CX3CL1: variants seen among roughly 807,000 people sequenced by gnomAD.
The protein encoded by CX3CL1 is C-X3-C motif chemokine ligand 1.
Under a neutral mutation model 14.1 loss-of-function variants are expected in CX3CL1, and 1 was observed. That is an observed-to-expected ratio of 0.07 (90% CI 0.03 to 0.34). CX3CL1 has a LOEUF of 0.34. Among genes scored for constraint, CX3CL1 ranks in the 10% least tolerant of loss-of-function variants. The probability of loss-of-function intolerance (pLI) is 0.99; values close to 1 mark genes in which losing one functional copy is unlikely to be tolerated. For missense variants in CX3CL1, 505 were observed against 536.4 expected (o/e 0.94, Z 0.58); for synonymous variants, 255 against 229.6 (o/e 1.11, Z -1.00).
Position 57,382,265 on chromosome 16 carries a change from T to C in CX3CL1, c.427T>C (p.Ser143Pro), listed in dbSNP as rs1425092996. 5 of 1,608,852 alleles carry C rather than the reference T, an allele frequency of 3.1e-6. No homozygotes were observed. The highest frequency in any genetic ancestry group is 3.3e-4 in the Middle Eastern group (2 of 6,068). ...AAGCAGTAGCCTGGAGCCGACTCCT[T>C]CTTCCCAGGAAGCACAGAGGGCCCT... Reference protein sequence around the residue: ...GESSSLEPTPSSQEAQRALGT... With the variant: ...GESSSLEPTPPSQEAQRALGT... The change falls in exon 3 of 3, where the codon TCT becomes CCT. Residue 143 changes from serine (S) to proline (P), a missense_variant. By Grantham distance (74) the Ser-to-Pro change is moderately conservative. Transcript: ENST00000006053. The surrounding 1 kb of genome is among the most constrained non-coding windows in gnomAD (Gnocchi z 6.9).
At position 57,383,114 on chromosome 16, in the gene CX3CL1, C is replaced by T. The variant is rs531787344; in HGVS notation, c.*82C>T. On this transcript the variant is annotated 3_prime_UTR_variant, in exon 3 of 3. Transcript: ENST00000006053. ...CCTCATACCCACCCCCACCCAAGGG[C>T]CTGGCCTGAGCTGGGATGATTGGAG... 1.6e-6 allele frequency: 2 copies of T among 1,271,510 alleles called. No individual in the cohort carries two copies. Among genetic ancestry groups the T allele is most frequent in the Admixed American group, 2.9e-5 (1 of 34,446 alleles). 78.8% of individuals were successfully genotyped at this position (1,271,510 alleles called of 1,614,324 possible). A position where few individuals can be genotyped will look rare whatever the true frequency, so the allele number is the denominator to read the frequency against.
rs760908389 is a variant in CX3CL1 at position 57,372,644 on chromosome 16, T to C, written c.70+6T>C. The C allele has an allele frequency of 1.2e-6, 2 of 1,613,234 alleles. No individual in the cohort carries two copies. Among genetic ancestry groups the C allele is most frequent in the Non-Finnish European group, 8.5e-7 (1 of 1,179,860 alleles). On this transcript the variant is annotated splice_donor_region_variant and intron_variant, in intron 1 of 2. Coordinates refer to ENST00000006053, the MANE Select transcript of CX3CL1 (RefSeq NM_002996.6). ...TCTGACTGTCCTGCTGGCTGGTAAG[T>C]GGGGCTTGACTTGGGCACAAACAGG... is the stretch of plus-strand genomic sequence containing the variant.
chr16:57,372,659 G>C lies in CX3CL1; in HGVS notation c.70+21G>C, dbSNP rs76505297. 4,061 of 1,612,438 alleles carry C rather than the reference G, an allele frequency of 2.5e-3. 60 individuals are homozygous for C. The Admixed American group carries it at 0.027, about 11-fold the overall frequency. Reference sequence around the variant, plus strand: ...GGCTGGTAAGTGGGGCTTGACTTGGGCACAAACAGGGTAGGGAGCCCCCAG... The same window carrying C: ...GGCTGGTAAGTGGGGCTTGACTTGGCCACAAACAGGGTAGGGAGCCCCCAG... On this transcript the variant is annotated intron_variant, in intron 1 of 2. Transcript: ENST00000006053.
intron 1 of CX3CL1, 42 bp from the exon 2 acceptor site, chr16:57,379,592 C>T: frequency 1.2e-6 from 2 of 1,613,262 alleles, no homozygotes; most frequent in Non-Finnish European, 1.7e-6. Flanking sequence ...AAGCCAGATG[C>T]CCACAGACAT....
intron 1 of CX3CL1, among the ~76,000 whole-genome samples, chr16:57,373,759 C>G (rs1247200889): frequency 6.6e-6 from 1 of 152,148 alleles, no homozygotes; most frequent in Non-Finnish European, 1.5e-5. Context: ...AGCAGGGAGT[C>G]AGATGGCGGC....
At chr16:57,372,793 C>T (rs1327080904) in intron 1 of CX3CL1, among the ~76,000 whole-genome samples, 155 bp downstream of exon 1, 1 of 152,162 alleles carries the variant, frequency 6.6e-6, no homozygotes, top group Non-Finnish European at 1.5e-5. Flanking sequence ...GGGGGCTGGG[C>T]ACCTCGCTTC....
In CX3CL1 at chr16:57,381,916, G is replaced by T. The variant is rs547951469; in HGVS notation, c.192-114G>T. 2,477 of 1,192,166 alleles carry T rather than the reference G, an allele frequency of 2.1e-3. 6 individuals carry two copies. Among genetic ancestry groups the T allele is most frequent in the Non-Finnish European group, 2.3e-3 (1,973 of 871,696 alleles). The allele number at this position is 1,192,166 out of a possible 1,614,324, so 73.8% of individuals were successfully genotyped here. A position where few individuals can be genotyped will look rare whatever the true frequency, so the allele number is the denominator to read the frequency against. ...TCACAGACGCTAAGTGGGAGGACAGGGTTTCCAGCCGGGTGTGTTCACCTG... is the reference window on the plus strand; with the variant it reads ...TCACAGACGCTAAGTGGGAGGACAGTGTTTCCAGCCGGGTGTGTTCACCTG... On this transcript the variant is annotated intron_variant, in intron 2 of 2. Coordinates refer to ENST00000006053, the MANE Select transcript of CX3CL1 (RefSeq NM_002996.6).
chr16:57,384,205 G>A lies in CX3CL1; in HGVS notation c.*1173G>A, dbSNP rs1467135719. 4 of 152,462 alleles carry A rather than the reference G, an allele frequency of 2.6e-5. No individual in the cohort carries two copies. The highest frequency in any genetic ancestry group is 5.9e-5 in the Non-Finnish European group (4 of 68,252). The allele number at this position is 152,462 out of a possible 1,614,324, so 9.4% of individuals were successfully genotyped here. On this transcript the variant is annotated 3_prime_UTR_variant, in exon 3 of 3. Transcript: ENST00000006053. ...CACACACGCCAGATTCTTTCCTGAG[G>A]CTGGGCTCCCTTCCCACCTCTCTCA... is the stretch of plus-strand genomic sequence containing the variant.
chr16:57,379,587 A>G, intron 1 of CX3CL1, 47 bp from the exon 2 acceptor site: 1 of 1,613,068 alleles, frequency 6.2e-7, no homozygotes, highest in Non-Finnish European at 8.5e-7. Context: ...TTGGGAAGCC[A>G]GATGCCCACA....
At position 57,382,648 on chromosome 16, in the gene CX3CL1, G is replaced by T; in HGVS notation, c.810G>T (p.Ala270=). 6.2e-7 allele frequency: 1 copy of T among 1,613,298 alleles called. No homozygotes were observed. Among genetic ancestry groups the T allele is most frequent in the Non-Finnish European group, 8.5e-7 (1 of 1,179,602 alleles). Residue 270 remains alanine, a synonymous_variant, in exon 3 of 3, where the codon GCG becomes GCT. Transcript: ENST00000006053. The surrounding 1 kb of genome is among the most constrained non-coding windows in gnomAD (Gnocchi z 6.9). ...GGGAGGAGATGGGTCCCGTGCCAGCGCACACGGATGCCTTCCAGGACTGGG... is the reference window on the plus strand; with the variant it reads ...GGGAGGAGATGGGTCCCGTGCCAGCTCACACGGATGCCTTCCAGGACTGGG... ...LEREEMGPVP[A]HTDAFQDWGP... is the part of the protein sequence containing the mutation.
intron 1 of CX3CL1, among the ~76,000 whole-genome samples, chr16:57,376,503 GATGA>G (rs1161401713): frequency 6.6e-6 from 1 of 151,826 alleles, no homozygotes; most frequent in South Asian, 2.1e-4. Flanking sequence ...TGGATAGATG[GATGA>G]ATGGATGGAT....
At chr16:57,374,998 G>T (rs1160793316) in intron 1 of CX3CL1, among the ~76,000 whole-genome samples, 1 of 152,014 alleles carries the variant, frequency 6.6e-6, no homozygotes, top group African/African-American at 2.4e-5. Context: ...AAATTAGCTG[G>T]GTGTGGTGGT....
At position 57,372,529 on chromosome 16, in the gene CX3CL1, C is replaced by T; in HGVS notation, c.-40C>T. ...GAGCTCTGCCGCCTGGCTCTAGCCGCCTGCCTGGCCCCCGCCGGGACTCTT... is the reference window on the plus strand; with the variant it reads ...GAGCTCTGCCGCCTGGCTCTAGCCGTCTGCCTGGCCCCCGCCGGGACTCTT... On this transcript the variant is annotated 5_prime_UTR_variant, in exon 1 of 3. Transcript: ENST00000006053. 6.3e-7 allele frequency: 1 copy of T among 1,597,688 alleles called. No homozygotes were observed. The highest frequency in any genetic ancestry group is 8.5e-7 in the Non-Finnish European group (1 of 1,171,672).
intron 1 of CX3CL1, among the ~76,000 whole-genome samples, chr16:57,375,251 C>A (rs1214323451): frequency 6.6e-6 from 1 of 151,994 alleles, no homozygotes; most frequent in African/African-American, 2.4e-5. Flanking sequence ...GGTGGCTTTG[C>A]ACAGTTTGGA....
intron 1 of CX3CL1, chr16:57,378,194 ACAAAGGATCATCT>A (rs1902270196): frequency 6.6e-6 from 1 of 152,234 alleles, no homozygotes; most frequent in Non-Finnish European, 1.5e-5. Flanking sequence ...CAGCAGCAGA[ACAAAGGATCATCT>A]ATTCAGCAGA....
chr16:57,377,445 C>T (rs1464504393), intron 1 of CX3CL1: 1 of 152,422 alleles, frequency 6.6e-6, no homozygotes, highest in Admixed American at 6.5e-5. Flanking sequence ...CCCCAACCCC[C>T]TGAAGCTACT....
intron 1 of CX3CL1, among the ~76,000 whole-genome samples, chr16:57,376,444 A>G (rs1902245635): frequency 8.6e-6 from 1 of 116,506 alleles, no homozygotes; most frequent in Admixed American, 8.3e-5. Context: ...CAGGAAGTGG[A>G]TGGATGGATG....
chr16:57,372,761 G>A (rs1902196418), intron 1 of CX3CL1, 123 bp downstream of exon 1: 18 of 887,594 alleles, frequency 2.0e-5, no homozygotes, highest in East Asian at 7.8e-5. Context: ...GGTGGCAGCC[G>A]CTTCCCCAGG....
chr16:57,382,752 G>C lies in CX3CL1; in HGVS notation c.914G>C (p.Gly305Ala). The change falls in exon 3 of 3, where the codon GGC becomes GCC. Residue 305 changes from glycine to alanine, a missense_variant. Gly to Ala is a moderately conservative substitution (Grantham distance 60). Coordinates refer to ENST00000006053, the MANE Select transcript of CX3CL1 (RefSeq NM_002996.6). This position sits in a 1 kb window ranked among gnomAD's most constrained non-coding sequence, Gnocchi z 6.9. ...GTPSREPVAS[G>A]SWTPKAEEPI... Reference sequence around the variant, plus strand: ...CCCAGCAGGGAGCCAGTGGCTTCAGGCAGCTGGACCCCTAAGGCTGAGGAA... The same window carrying C: ...CCCAGCAGGGAGCCAGTGGCTTCAGCCAGCTGGACCCCTAAGGCTGAGGAA... The C allele has an allele frequency of 6.2e-7, 1 of 1,612,038 alleles. No homozygotes were observed. Among genetic ancestry groups the C allele is most frequent in the South Asian group, 1.1e-5 (1 of 91,028 alleles).
Sources: allele counts gnomAD v4.1 joint callset (sites outside exome capture counted in the v4.1 genomes callset), GRCh38; gene constraint gnomAD v4.1.1; non-coding constraint Gnocchi (gnomAD v3.1); transcripts MANE v1.5; gene names NCBI Gene and HGNC (gene_info 2026-07-23, HGNC 2026-07-21).